The following KIAA0825 variants were observed in gnomAD, a reference collection of about 807,000 sequenced individuals.
KIAA0825 encodes the protein KIAA0825.
In KIAA0825, 119 loss-of-function variants were observed where a neutral mutation model predicts 147.6. That is an observed-to-expected ratio of 0.81 (90% CI 0.69 to 0.94). The LOEUF (loss-of-function observed/expected upper bound fraction) is 0.94, where lower values mean the gene tolerates loss of function less well. KIAA0825 is among the 40% of genes least tolerant of loss of function. The probability of loss-of-function intolerance (pLI) is 0.00; values close to 1 mark genes in which losing one functional copy is unlikely to be tolerated. For synonymous variants in KIAA0825, 470 were observed against 518.1 expected (o/e 0.91, Z 1.26); for missense variants, 1,381 against 1,472.7 (o/e 0.94, Z 1.02).
At chr5:94,527,748 C>T (rs1436509653) in intron 3 of KIAA0825, among the ~76,000 whole-genome samples, 3 of 151,660 alleles carry the variant, frequency 2.0e-5, no homozygotes, top group Non-Finnish European at 1.5e-5. Context: ...TTTTTGTGTT[C>T]GAAAGGACAA....
chr5:94,422,203 G>A (rs1754271075), intron 14 of KIAA0825, among the ~76,000 whole-genome samples: 2 of 152,086 alleles, frequency 1.3e-5, no homozygotes, highest in South Asian at 2.1e-4. Flanking sequence ...AGGCCTTCAC[G>A]GAATTCTGAC....
chr5:94,440,883 C>T (rs538003132), intron 13 of KIAA0825, among the ~76,000 whole-genome samples: 38 of 152,040 alleles, frequency 2.5e-4, no homozygotes, highest in African/African-American at 8.9e-4. Flanking sequence ...TTTAGATTGG[C>T]TAACAGTTGC....
chr5:94,155,660 C>A lies in KIAA0825; in HGVS notation c.3711-1536G>T, dbSNP rs528479972. Among the ~76,000 whole-genome samples, 160 of 152,266 alleles carry A rather than the reference C, an allele frequency of 1.1e-3. 1 individual carries two copies. The highest frequency in any genetic ancestry group is 3.4e-3 in the African/African-American group (143 of 41,538). The stretch of plus-strand genomic sequence containing the variant: ...TTATCTGAAAAGTGACACCTGGTTT[C>A]AATTTATATTTCTGCTTCACCCTCT... On this transcript the variant is annotated intron_variant, in intron 20 of 20. Coordinates refer to ENST00000682413, the MANE Select transcript of KIAA0825 (RefSeq NM_001145678.3).
chr5:94,289,708 G>A (rs1222156829), intron 20 of KIAA0825, among the ~76,000 whole-genome samples: 1 of 151,866 alleles, frequency 6.6e-6, no homozygotes, highest in Non-Finnish European at 1.5e-5. Flanking sequence ...GAACAAACAA[G>A]TAAAATAACA....
At chr5:94,362,211 G>A (rs747717591) in intron 20 of KIAA0825, among the ~76,000 whole-genome samples, 72 of 152,240 alleles carry the variant, frequency 4.7e-4, no homozygotes, top group African/African-American at 1.6e-3. Context: ...CTCCAGGGTC[G>A]GATGAGGCCA....
intron 7 of KIAA0825, among the ~76,000 whole-genome samples, chr5:94,475,105 T>C (rs1465147388): frequency 6.6e-6 from 1 of 151,496 alleles, no homozygotes; most frequent in Admixed American, 6.6e-5. Context: ...AAAAAAAAAT[T>C]CATCAAAAAC....
intron 13 of KIAA0825, among the ~76,000 whole-genome samples, chr5:94,451,573 AG>A (rs1758415703): frequency 6.6e-6 from 1 of 152,216 alleles, no homozygotes; most frequent in Non-Finnish European, 1.5e-5. Context: ...TAAACAGAAC[AG>A]AAAGAAAAGA....
intron 1 of KIAA0825, among the ~76,000 whole-genome samples, chr5:94,608,483 A>AT (rs1554056923): frequency 2.2e-4 from 3 of 13,756 alleles, no homozygotes; most frequent in African/African-American, 4.7e-4. Flanking sequence ...TAATATATAT[A>AT]TATATATAAT....
intron 5 of KIAA0825, among the ~76,000 whole-genome samples, chr5:94,485,920 G>A (rs917556981): frequency 2.0e-5 from 3 of 151,420 alleles, no homozygotes; most frequent in African/African-American, 7.3e-5. Flanking sequence ...TATTATTTGC[G>A]TAAGAACAAT....
In KIAA0825 at chr5:94,565,053, CTCTT is replaced by C. The variant is rs200742077; in HGVS notation, c.-2+17376_-2+17379del. ...CTTTCTTTCCTCTCTCTCTCTCTCTCTCTTTCTTTCCTGTCTCTCTTTCTCTCTC... is the reference window on the plus strand; with the variant it reads ...CTTTCTTTCCTCTCTCTCTCTCTCTCTCTTTCCTGTCTCTCTTTCTCTCTC... On this transcript the variant is annotated intron_variant, in intron 2 of 20. Coordinates refer to ENST00000682413, the MANE Select transcript of KIAA0825 (RefSeq NM_001145678.3). Among the ~76,000 whole-genome samples, 748 of 134,500 alleles carry C rather than the reference CTCTT, an allele frequency of 5.6e-3. 9 individuals are homozygous for C. The highest frequency in any genetic ancestry group is 0.021 in the African/African-American group (711 of 34,408). 88.2% of individuals were successfully genotyped at this position (134,500 alleles called of 152,430 possible). A position where few individuals can be genotyped will look rare whatever the true frequency, so the allele number is the denominator to read the frequency against.
At chr5:94,412,408 T>A (rs993706066) in intron 15 of KIAA0825, among the ~76,000 whole-genome samples, 1 of 152,214 alleles carries the variant, frequency 6.6e-6, no homozygotes, top group Admixed American at 6.5e-5. Context: ...GTTTCTTTTT[T>A]TCTTTCTTTT....
chr5:94,572,085 T>C (rs1780071022), intron 2 of KIAA0825, among the ~76,000 whole-genome samples: 1 of 145,744 alleles, frequency 6.9e-6, no homozygotes, highest in South Asian at 2.2e-4. Flanking sequence ...GGCAACATAG[T>C]GAGACTCTAT....
intron 20 of KIAA0825, among the ~76,000 whole-genome samples, chr5:94,366,232 C>T (rs927652370): frequency 2.0e-5 from 3 of 152,218 alleles, no homozygotes; most frequent in Non-Finnish European, 4.4e-5. Context: ...TGCAATTCCC[C>T]TGTCTTGATA....
chr5:94,401,064 CATT>C (rs1158386224), intron 16 of KIAA0825, among the ~76,000 whole-genome samples: 2 of 151,754 alleles, frequency 1.3e-5, no homozygotes, highest in Non-Finnish European at 2.9e-5. Flanking sequence ...TAAATTAAAA[CATT>C]GTTGAAAAAA....
chr5:94,304,078 GTTA>G (rs1352038808), intron 20 of KIAA0825, among the ~76,000 whole-genome samples: 1 of 152,024 alleles, frequency 6.6e-6, no homozygotes, highest in South Asian at 2.1e-4. Flanking sequence ...TTTGCTTTAA[GTTA>G]TTAATTATTA....
intron 20 of KIAA0825, among the ~76,000 whole-genome samples, chr5:94,183,372 G>A (rs1769838128): frequency 6.6e-6 from 1 of 152,186 alleles, no homozygotes. Flanking sequence ...GGGATAATAG[G>A]AGCATGTTTT....
intron 5 of KIAA0825, among the ~76,000 whole-genome samples, chr5:94,500,121 A>G (rs1252942312): frequency 6.6e-6 from 1 of 152,140 alleles, no homozygotes; most frequent in Non-Finnish European, 1.5e-5. Context: ...GGGGAGAGGC[A>G]TGAGATGAGA....
chr5:94,329,298 T>C (rs918899831), intron 20 of KIAA0825, among the ~76,000 whole-genome samples: 2 of 151,992 alleles, frequency 1.3e-5, no homozygotes, highest in Admixed American at 6.6e-5. Flanking sequence ...AGAAAAGAAC[T>C]GAGCAAATGA....
chr5:94,388,829 T>C (rs959632642), intron 18 of KIAA0825, among the ~76,000 whole-genome samples: 9 of 152,228 alleles, frequency 5.9e-5, no homozygotes, highest in Non-Finnish European at 1.0e-4. Flanking sequence ...TTTCCATTCT[T>C]TCTTGAACAC....
Sources: allele counts gnomAD v4.1 joint callset (sites outside exome capture counted in the v4.1 genomes callset), GRCh38; gene constraint gnomAD v4.1.1; transcripts MANE v1.5; gene names NCBI Gene and HGNC (gene_info 2026-07-23, HGNC 2026-07-21).